Variants in LRRTM4 observed in about 807,000 individuals in gnomAD.
The protein encoded by LRRTM4 is leucine rich repeat transmembrane neuronal 4.
Under a neutral mutation model 47.6 loss-of-function variants are expected in LRRTM4, and 25 were observed. The ratio of observed to expected loss-of-function variants is 0.53; its 90% CI spans 0.38 to 0.73. The LOEUF is 0.73. Among genes scored for constraint, LRRTM4 ranks in the 30% least tolerant of loss-of-function variants. The pLI is 0.00. For missense variants in LRRTM4, 638 were observed against 713.4 expected, an observed-to-expected ratio of 0.89 and a Z score of 1.20; for synonymous variants, 311 against 269.5, an observed-to-expected ratio of 1.15 and a Z score of -1.51.
chr2:77,475,932 T>G (rs1252985807), intron 3 of LRRTM4, among the ~76,000 whole-genome samples: 1 of 152,004 alleles, frequency 6.6e-6, no homozygotes, highest in African/African-American at 2.4e-5. Flanking sequence ...TATCACTGAT[T>G]AATCAGGTCT....
chr2:76,885,774 C>CT (rs959492081), intron 3 of LRRTM4, among the ~76,000 whole-genome samples: 8 of 151,986 alleles, frequency 5.3e-5, no homozygotes, highest in Non-Finnish European at 1.0e-4. Flanking sequence ...CAAAAACATA[C>CT]TTTTTTTAAA....
chr2:77,195,120 A>C (rs1673773760), intron 3 of LRRTM4, among the ~76,000 whole-genome samples: 1 of 151,994 alleles, frequency 6.6e-6, no homozygotes, highest in Admixed American at 6.6e-5. Flanking sequence ...CTTTGGTTTC[A>C]TGTATTTACT....
At chr2:77,007,204 A>G (rs1381351014) in intron 3 of LRRTM4, among the ~76,000 whole-genome samples, 2 of 152,084 alleles carry the variant, frequency 1.3e-5, no homozygotes, top group African/African-American at 4.8e-5. Context: ...ATGCACACAC[A>G]AGATGAAGTG....
At chr2:77,089,390 A>C (rs553899935) in intron 3 of LRRTM4, among the ~76,000 whole-genome samples, 34 of 150,446 alleles carry the variant, frequency 2.3e-4, no homozygotes, top group African/African-American at 8.3e-4. Flanking sequence ...TCCACGCCCC[A>C]ACCTCTTATA....
intron 3 of LRRTM4, among the ~76,000 whole-genome samples, chr2:77,244,549 G>A (rs1675376907): frequency 6.6e-6 from 1 of 152,094 alleles, no homozygotes; most frequent in Non-Finnish European, 1.5e-5. Flanking sequence ...TAGAGATTAT[G>A]GAAGGCAGCT....
intron 3 of LRRTM4, among the ~76,000 whole-genome samples, chr2:77,068,001 C>T (rs779217218): frequency 3.4e-4 from 52 of 151,832 alleles, no homozygotes; most frequent in Middle Eastern, 3.4e-3. Context: ...TCAATTTATA[C>T]GGAGGATAAA....
At chr2:77,328,606 T>C (rs1015381565) in intron 3 of LRRTM4, among the ~76,000 whole-genome samples, 3 of 152,190 alleles carry the variant, frequency 2.0e-5, no homozygotes, top group Admixed American at 2.0e-4. Context: ...TGACAGTTTC[T>C]AAAACTATAA....
intron 3 of LRRTM4, among the ~76,000 whole-genome samples, chr2:76,802,579 A>G (rs1336635043): frequency 2.6e-5 from 4 of 152,106 alleles, no homozygotes; most frequent in Non-Finnish European, 4.4e-5. Flanking sequence ...CAACATTCCA[A>G]TGGCATTTTT....
chr2:76,942,081 T>C (rs577822546), intron 3 of LRRTM4, among the ~76,000 whole-genome samples: 1 of 152,350 alleles, frequency 6.6e-6, no homozygotes, highest in Non-Finnish European at 1.5e-5. Context: ...GAGCTTTGTT[T>C]CATCTGTTTG....
chr2:77,509,559 C>T (rs1306300213), intron 3 of LRRTM4, among the ~76,000 whole-genome samples: 1 of 152,070 alleles, frequency 6.6e-6, no homozygotes, highest in Non-Finnish European at 1.5e-5. Flanking sequence ...ACACGTGTTT[C>T]TACATCAGGG....
intron 3 of LRRTM4, among the ~76,000 whole-genome samples, chr2:77,413,266 A>G (rs1434327876): frequency 6.6e-6 from 1 of 152,184 alleles, no homozygotes; most frequent in Non-Finnish European, 1.5e-5. Flanking sequence ...GAACATGAGT[A>G]GGTCTGGCTT....
intron 3 of LRRTM4, among the ~76,000 whole-genome samples, chr2:77,245,517 CAAAA>C (rs770133274): frequency 0.031 from 2,674 of 86,466 alleles, 81 homozygotes; most frequent in African/African-American, 0.085. Context: ...GACACTGCCT[CAAAA>C]AAAAAAAAAA....
At chr2:76,891,629 G>A (rs1326596621) in intron 3 of LRRTM4, among the ~76,000 whole-genome samples, 1 of 151,602 alleles carries the variant, frequency 6.6e-6, no homozygotes. Context: ...GGAAAATACA[G>A]ACTTTTTACC....
chr2:76,974,969 A>G (rs899915363), intron 3 of LRRTM4, among the ~76,000 whole-genome samples: 2 of 151,666 alleles, frequency 1.3e-5, no homozygotes, highest in African/African-American at 2.4e-5. Flanking sequence ...GGTACTAAAA[A>G]CTCATCAATT....
intron 3 of LRRTM4, among the ~76,000 whole-genome samples, chr2:76,988,635 G>C (rs1676892181): frequency 6.6e-6 from 1 of 151,698 alleles, no homozygotes; most frequent in South Asian, 2.1e-4. Context: ...ATTTTGTAGA[G>C]GCTATAAACT....
chr2:76,805,570 A>G (rs1675925270), intron 3 of LRRTM4, among the ~76,000 whole-genome samples: 1 of 152,184 alleles, frequency 6.6e-6, no homozygotes, highest in Non-Finnish European at 1.5e-5. Context: ...TCCTTCTACC[A>G]GTGAGAACAA....
Position 77,292,445 on chromosome 2 carries a change from C to A in LRRTM4, c.1551+225873G>T, listed in dbSNP as rs868279945. 6.0e-3 allele frequency among the ~76,000 whole-genome samples: 912 copies of A among 151,942 alleles called. 10 individuals are homozygous for A. The highest frequency in any genetic ancestry group is 0.02 in the African/African-American group (829 of 41,402). ...CACAATAGCAAAGACTTGGAACCAA[C>A]CCAAATGTCCAACAATGATAGACTT... On this transcript the variant is annotated intron_variant, in intron 3 of 3. Transcript: ENST00000409884.
At chr2:77,195,621 A>G (rs1673799143) in intron 3 of LRRTM4, among the ~76,000 whole-genome samples, 1 of 152,152 alleles carries the variant, frequency 6.6e-6, no homozygotes, top group African/African-American at 2.4e-5. Context: ...ATAAAGATAT[A>G]TTATGTAGAT....
chr2:77,024,518 C>A (rs1460507692), intron 3 of LRRTM4, among the ~76,000 whole-genome samples: 2 of 148,098 alleles, frequency 1.4e-5, no homozygotes, highest in Admixed American at 6.7e-5. Flanking sequence ...AAGGAAAATT[C>A]AAGTTCTAAA....
Sources: gnomAD v4.1 joint callset for allele counts (sites outside exome capture counted in the v4.1 genomes callset) on GRCh38, gnomAD v4.1.1 for gene constraint, MANE v1.5 for transcripts, NCBI Gene and HGNC (gene_info 2026-07-23, HGNC 2026-07-21) for gene names.